The following ERGIC1 variants were observed in gnomAD, a reference collection of about 807,000 sequenced individuals.
ERGIC1 encodes endoplasmic reticulum-golgi intermediate compartment 1.
Under a neutral mutation model 38.3 loss-of-function variants are expected in ERGIC1, and 19 were observed. The observed-to-expected ratio is 0.50, with a 90% confidence interval of 0.35 to 0.73. The LOEUF is 0.73. Ranked by LOEUF, ERGIC1 falls within the 30% of genes least tolerant of loss-of-function variation. ERGIC1 has a pLI of 0.01. For synonymous variants in ERGIC1, 124 were observed against 157.6 expected, an observed-to-expected ratio of 0.79 and a Z score of 1.60; for missense variants, 294 against 389.2, an observed-to-expected ratio of 0.76 and a Z score of 2.06.
chr5:172,943,468 C>A (rs968952251), intron 9 of ERGIC1, among the ~76,000 whole-genome samples: 1 of 152,020 alleles, frequency 6.6e-6, no homozygotes, highest in Non-Finnish European at 1.5e-5. Context: ...GCTGCTGGAG[C>A]CTGATGAGAC....
intron 3 of ERGIC1, among the ~76,000 whole-genome samples, chr5:172,907,261 A>G (rs1329009729): frequency 2.6e-5 from 4 of 152,190 alleles, no homozygotes; most frequent in Non-Finnish European, 5.9e-5. Flanking sequence ...TGCTCATATC[A>G]AGCCTAAAGG....
intron 1 of ERGIC1, among the ~76,000 whole-genome samples, chr5:172,849,367 G>A (rs1412014593): frequency 1.3e-5 from 2 of 152,186 alleles, no homozygotes; most frequent in Non-Finnish European, 2.9e-5. Context: ...ATTTTCACCA[G>A]TGTCTTCAGT....
intron 1 of ERGIC1, among the ~76,000 whole-genome samples, chr5:172,870,085 A>G (rs1033686564): frequency 3.3e-5 from 5 of 152,156 alleles, no homozygotes; most frequent in African/African-American, 1.2e-4. Context: ...TGTATCTTTC[A>G]TTCTACTGAC....
Position 172,924,104 on chromosome 5 carries a change from C to A in ERGIC1, c.475C>A (p.Leu159Ile). Residue 159 changes from leucine to isoleucine, a missense_variant, in exon 6 of 10, where the codon CTA (leucine) becomes ATA (isoleucine). Physicochemically the swap from Leu to Ile is conservative, Grantham distance 5 (BLOSUM62 2). This residue lies in a region of ERGIC1 where 163 missense variants were observed against 225.8 expected (regional missense o/e 0.72). Coordinates refer to ENST00000393784, the MANE Select transcript of ERGIC1 (RefSeq NM_001031711.3). Reference protein sequence around the residue: ...VIHKLSFGDTLQVQNIHGAFN... With the variant: ...VIHKLSFGDTIQVQNIHGAFN... Reference sequence around the variant, plus strand: ...CCACAAGCTCTCCTTTGGGGACACGCTACAGGTGAGCAGGGGACACTCGAG... The same window carrying A: ...CCACAAGCTCTCCTTTGGGGACACGATACAGGTGAGCAGGGGACACTCGAG... The A allele has an allele frequency of 6.2e-7, 1 of 1,614,060 alleles. No homozygotes were observed. Among genetic ancestry groups the A allele is most frequent in the African/African-American group, 1.3e-5 (1 of 75,068 alleles).
chr5:172,870,400 T>G (rs540864293), intron 1 of ERGIC1, among the ~76,000 whole-genome samples: 1 of 152,258 alleles, frequency 6.6e-6, no homozygotes, highest in South Asian at 2.1e-4. Flanking sequence ...AGTTCCTGCC[T>G]ATTCTCAGTA....
intron 1 of ERGIC1, among the ~76,000 whole-genome samples, chr5:172,853,805 T>C (rs1311789384): frequency 6.6e-6 from 1 of 152,216 alleles, no homozygotes; most frequent in East Asian, 1.9e-4. Flanking sequence ...CCTTCAGCTT[T>C]CTCAGCTGTG....
At chr5:172,941,041 G>C (rs1763999834) in intron 9 of ERGIC1, among the ~76,000 whole-genome samples, 1 of 152,216 alleles carries the variant, frequency 6.6e-6, no homozygotes, top group Non-Finnish European at 1.5e-5. Flanking sequence ...CACTTTGGGA[G>C]GCCAAGGTGG....
Position 172,834,551 on chromosome 5 carries a change from C to A in ERGIC1, c.20+118C>A. ...AAGCGGCTCCCCGCCCTGTGCATGC[C>A]TCCGCAGGCCCCTAGGGACCCCAGG... On this transcript the variant is annotated intron_variant, in intron 1 of 9. Transcript: ENST00000393784. This position sits in a 1 kb window ranked among gnomAD's most constrained non-coding sequence, Gnocchi z 4.1. The A allele has an allele frequency of 9.6e-7, 1 of 1,036,486 alleles. No individual in the cohort carries two copies. The highest frequency in any genetic ancestry group is 1.2e-6 in the Non-Finnish European group (1 of 815,702). 64.2% of individuals were successfully genotyped at this position (1,036,486 alleles called of 1,614,324 possible).
chr5:172,836,525 G>A (rs1241693315), intron 1 of ERGIC1, among the ~76,000 whole-genome samples: 2 of 152,174 alleles, frequency 1.3e-5, no homozygotes, highest in Non-Finnish European at 2.9e-5. Flanking sequence ...AGCCATGTGT[G>A]CCCAGCAAAC....
chr5:172,863,587 C>T (rs1761774802), intron 1 of ERGIC1, among the ~76,000 whole-genome samples: 1 of 152,136 alleles, frequency 6.6e-6, no homozygotes, highest in Non-Finnish European at 1.5e-5. Context: ...TTCAAGTCAG[C>T]ATTTTTGTTG....
chr5:172,839,988 A>G (rs1317700194), intron 1 of ERGIC1, among the ~76,000 whole-genome samples: 7 of 152,200 alleles, frequency 4.6e-5, no homozygotes, highest in African/African-American at 1.7e-4. Context: ...AATTGGATTC[A>G]TTGGGTTTCT....
intron 1 of ERGIC1, among the ~76,000 whole-genome samples, chr5:172,887,389 G>T (rs567039404): frequency 2.0e-5 from 3 of 152,312 alleles, no homozygotes; most frequent in Admixed American, 1.3e-4. Flanking sequence ...TGTGTGGGGA[G>T]CCTCCCCTGC....
chr5:172,908,904 C>A (rs1392133030), intron 3 of ERGIC1, among the ~76,000 whole-genome samples: 1 of 152,146 alleles, frequency 6.6e-6, no homozygotes, highest in Non-Finnish European at 1.5e-5. Flanking sequence ...GGGAAGGGGA[C>A]CTCAAGAGAG....
chr5:172,949,664 G>GC (rs1764192558), intron 9 of ERGIC1, among the ~76,000 whole-genome samples: 2 of 150,656 alleles, frequency 1.3e-5, no homozygotes, highest in African/African-American at 2.4e-5. Context: ...GCGGGGGGGG[G>GC]TATGATTGGC....
chr5:172,834,347 G>T lies in ERGIC1; in HGVS notation c.-67G>T. The stretch of plus-strand genomic sequence containing the variant: ...GGCGGCCGGAGGAGGCGTTGGCAGC[G>T]GGCTCGGACCCACGCGGCGCCGCGG... On this transcript the variant is annotated 5_prime_UTR_variant, in exon 1 of 10. Transcript: ENST00000393784. This position sits in a 1 kb window ranked among gnomAD's most constrained non-coding sequence, Gnocchi z 4.1. The T allele has an allele frequency of 2.5e-6, 3 of 1,213,254 alleles. No homozygotes were observed. 75.2% of individuals were successfully genotyped at this position (1,213,254 alleles called of 1,614,324 possible).
chr5:172,894,199 T>C (rs1211879367), intron 2 of ERGIC1, among the ~76,000 whole-genome samples: 9 of 134,422 alleles, frequency 6.7e-5, no homozygotes, highest in East Asian at 2.1e-4. Context: ...CTTTTTCTTT[T>C]TTTTTTTTTT....
At chr5:172,882,149 G>T (rs551377225) in intron 1 of ERGIC1, among the ~76,000 whole-genome samples, 4 of 152,164 alleles carry the variant, frequency 2.6e-5, no homozygotes, top group African/African-American at 7.2e-5. Context: ...GCTGCCCAGC[G>T]TGGCTCTGTG....
In ERGIC1 at chr5:172,896,876, C is replaced by T. The variant is rs1762736051; in HGVS notation, c.83-126C>T. 9.8e-6 allele frequency: 8 copies of T among 818,278 alleles called. No individual in the cohort carries two copies. In the South Asian group the frequency reaches 1.0e-4, roughly 10 times the overall value. 50.7% of individuals were successfully genotyped at this position (818,278 alleles called of 1,614,324 possible). On this transcript the variant is annotated intron_variant, in intron 2 of 9. Coordinates refer to ENST00000393784, the MANE Select transcript of ERGIC1 (RefSeq NM_001031711.3). ...ATTGAGGCTCGAGTCAGAAGGGGCT[C>T]TGGAGGGTCTGTGGGCACAGCCCCA...
chr5:172,903,340 C>A (rs943753070), intron 3 of ERGIC1, among the ~76,000 whole-genome samples: 9 of 152,106 alleles, frequency 5.9e-5, no homozygotes, highest in Non-Finnish European at 1.2e-4. Flanking sequence ...AGGGGACACA[C>A]CTGAAGATTA....
Sources: gnomAD v4.1 joint callset for allele counts (sites outside exome capture counted in the v4.1 genomes callset) on GRCh38, gnomAD v4.1.1 for gene constraint, gnomAD v4.1.1 regional missense constraint, Gnocchi (gnomAD v3.1) non-coding constraint, MANE v1.5 for transcripts, NCBI Gene and HGNC (gene_info 2026-07-23, HGNC 2026-07-21) for gene names.